The following HOXC5 variants were observed in gnomAD, a reference collection of about 807,000 sequenced individuals.
The protein encoded by HOXC5 is homeobox protein Hox-C5.
In HOXC5, 19 loss-of-function variants were observed where a neutral mutation model predicts 20.1. The observed-to-expected ratio is 0.94, with a 90% CI of 0.66 to 1.38. The LOEUF (loss-of-function observed/expected upper bound fraction) is 1.38. Among genes scored for constraint, HOXC5 ranks in the 40% most tolerant of loss-of-function variants. The probability of loss-of-function intolerance (pLI) is 0.00; values close to 1 mark genes in which losing one functional copy is unlikely to be tolerated. For missense variants in HOXC5, 330 were observed against 300.1 expected, an observed-to-expected ratio of 1.10 and a Z score of -0.74; for synonymous variants, 124 against 117.0, an observed-to-expected ratio of 1.06 and a Z score of -0.39.
rs1406144534 is a variant in HOXC5 at position 54,034,260 on chromosome 12, G to T, written c.455-18G>T. The T allele has an allele frequency of 2.5e-6, 4 of 1,606,738 alleles. No individual in the cohort carries two copies. The highest frequency in any genetic ancestry group is 1.7e-6 in the Non-Finnish European group (2 of 1,175,090). On this transcript the variant is annotated intron_variant, in intron 1 of 1. Coordinates refer to ENST00000312492, the MANE Select transcript of HOXC5 (RefSeq NM_018953.4). ...GCTATTCACCCCTTCCTGGCTTGGG[G>T]TGGGGTTTATGTTCCAGAGACGGAC...
upstream of HOXC5, among the ~76,000 whole-genome samples, chr12:54,032,133 C>T (rs374248590): frequency 7.9e-5 from 12 of 152,336 alleles, 1 homozygote; most frequent in African/African-American, 2.6e-4. Flanking sequence ...GTCCTCTAGA[C>T]CATTGTCTGG....
upstream of HOXC5, chr12:54,030,545 C>G (rs924079329): frequency 3.9e-5 from 6 of 152,690 alleles, no homozygotes; most frequent in African/African-American, 1.4e-4. Context: ...TGGCATTTTA[C>G]AAACTGTGAC....
the HOXC5 span, chr12:54,019,870 C>G: frequency 6.6e-6 from 1 of 152,128 alleles, no homozygotes; most frequent in Admixed American, 6.6e-5. Flanking sequence ...GCAGCTCCCC[C>G]ACCCCCATCC....
At chr12:54,026,947 A>AC in the HOXC5 span, among the ~76,000 whole-genome samples, 1 of 132,634 alleles carries the variant, frequency 7.5e-6, no homozygotes, top group Non-Finnish European at 1.6e-5. Flanking sequence ...CCCCCCCCCC[A>AC]ACCCACCCAA....
the HOXC5 span, among the ~76,000 whole-genome samples, chr12:54,024,688 AGCTCACAT>A: frequency 3.3e-5 from 5 of 151,582 alleles, no homozygotes; most frequent in African/African-American, 1.2e-4. Context: ...CCCAGTTCAG[AGCTCACAT>A]GCCCCCAGCC....
At chr12:54,031,753 T>G (rs1007345349), upstream of HOXC5, among the ~76,000 whole-genome samples, 5 of 152,150 alleles carry the variant, frequency 3.3e-5, no homozygotes, top group Non-Finnish European at 7.4e-5. Context: ...GGCGGAGATT[T>G]CCTGGGAAGA....
chr12:54,027,059 C>T, the HOXC5 span, among the ~76,000 whole-genome samples: 1 of 151,966 alleles, frequency 6.6e-6, no homozygotes, highest in African/African-American at 2.4e-5. Context: ...ATCACGATAT[C>T]AAATTAAGTT....
intron 1 of HOXC5, 61 bp downstream of exon 1, chr12:54,033,637 G>A (rs983781725): frequency 4.4e-6 from 6 of 1,353,530 alleles, no homozygotes; most frequent in Non-Finnish European, 4.9e-6. Flanking sequence ...GGCCATGCGG[G>A]GCAAATAAAG....
chr12:54,028,569 G>A, upstream of HOXC5: 11 of 1,614,042 alleles, frequency 6.8e-6, no homozygotes, highest in Non-Finnish European at 9.3e-6. Flanking sequence ...ACCTCGCCGG[G>A]GGCCAGGACG....
chr12:54,030,589 G>A (rs1210081490), upstream of HOXC5: 1 of 152,532 alleles, frequency 6.6e-6, no homozygotes. Context: ...CTGTATTTGT[G>A]GTCTCTGTAT....
chr12:54,029,457 C>G (rs1940895437), upstream of HOXC5, among the ~76,000 whole-genome samples: 1 of 147,644 alleles, frequency 6.8e-6, no homozygotes, highest in Non-Finnish European at 1.5e-5. Context: ...ACAGGTCCCA[C>G]CTTATAGGAG....
chr12:54,029,403 G>GCCCCCC (rs1234645036), upstream of HOXC5, among the ~76,000 whole-genome samples: 1 of 58,830 alleles, frequency 1.7e-5, no homozygotes, highest in Non-Finnish European at 3.5e-5. Flanking sequence ...CTTTTGCCCC[G>GCCCCCC]CCCCCCCGCC....
At chr12:54,028,909 A>T, upstream of HOXC5, 1 of 1,610,046 alleles carries the variant, frequency 6.2e-7, no homozygotes, top group Non-Finnish European at 8.5e-7. Flanking sequence ...GCAGCGAATG[A>T]ATTCGCACAG....
the HOXC5 span, among the ~76,000 whole-genome samples, chr12:54,018,226 T>C: frequency 6.6e-6 from 1 of 152,192 alleles, no homozygotes; most frequent in East Asian, 1.9e-4. Context: ...CCTACCGGCT[T>C]TCCCTTCCGG....
the HOXC5 span, among the ~76,000 whole-genome samples, chr12:54,017,898 G>C: frequency 6.6e-6 from 1 of 151,880 alleles, no homozygotes; most frequent in East Asian, 1.9e-4. Flanking sequence ...TCCCCTCCCT[G>C]TCTGGCAGCC....
upstream of HOXC5, chr12:54,030,005 T>C (rs1940923015): frequency 6.9e-7 from 1 of 1,455,858 alleles, no homozygotes; most frequent in South Asian, 1.4e-5. Context: ...TCTCCCTCGC[T>C]CCCCACCAAC....
chr12:54,026,406 G>T, the HOXC5 span, among the ~76,000 whole-genome samples: 2 of 152,134 alleles, frequency 1.3e-5, no homozygotes, highest in African/African-American at 2.4e-5. Flanking sequence ...AACTCACATT[G>T]GTGTCTATGT....
At chr12:54,028,476 A>C (rs773836609), upstream of HOXC5, 2 of 1,577,340 alleles carry the variant, frequency 1.3e-6, no homozygotes, top group South Asian at 1.2e-5. Flanking sequence ...TGGAGACAGA[A>C]ATAAATATTA....
the HOXC5 span, among the ~76,000 whole-genome samples, chr12:54,027,003 A>C: frequency 2.8e-5 from 4 of 140,396 alleles, no homozygotes; most frequent in Non-Finnish European, 3.1e-5. Flanking sequence ...CTCCCCGCAC[A>C]CTCCCCACCA....
Sources: gnomAD v4.1 joint callset for allele counts (sites outside exome capture counted in the v4.1 genomes callset) on GRCh38, gnomAD v4.1.1 for gene constraint, MANE v1.5 for transcripts, NCBI Gene and HGNC (gene_info 2026-07-23, HGNC 2026-07-21) for gene names.